The following AUH variants were observed in gnomAD, a reference collection of about 807,000 sequenced individuals.
AUH encodes AU RNA binding methylglutaconyl-CoA hydratase.
In AUH, 29 loss-of-function variants were observed where a neutral mutation model predicts 42.3. That is an observed-to-expected ratio of 0.69 (90% confidence interval 0.51 to 0.93). AUH has a LOEUF of 0.93. AUH is among the 40% of genes least tolerant of loss of function. The probability of loss-of-function intolerance (pLI) is 0.00; values close to 1 mark genes in which losing one functional copy is unlikely to be tolerated. For synonymous variants in AUH, 174 were observed against 166.4 expected (o/e 1.05, Z -0.35); for missense variants, 452 against 438.1 (o/e 1.03, Z -0.28).
chr9:91,247,168 C>T (rs932043256), intron 6 of AUH, among the ~76,000 whole-genome samples: 6 of 152,202 alleles, frequency 3.9e-5, no homozygotes, highest in Non-Finnish European at 7.3e-5. Flanking sequence ...GGCAAACTCT[C>T]CTCCGTACAC....
intron 6 of AUH, among the ~76,000 whole-genome samples, chr9:91,239,862 G>C (rs960413421): frequency 1.3e-4 from 20 of 152,174 alleles, no homozygotes; most frequent in African/African-American, 4.8e-4. Flanking sequence ...GCTCTTTGTG[G>C]ATTATGGTAG....
intron 6 of AUH, among the ~76,000 whole-genome samples, chr9:91,238,741 A>T (rs528924566): frequency 6.6e-6 from 1 of 152,362 alleles, no homozygotes; most frequent in South Asian, 2.1e-4. Flanking sequence ...TTAAAACACA[A>T]CTTACTTTGA....
chr9:91,306,153 G>T (rs1241172272), intron 4 of AUH, among the ~76,000 whole-genome samples: 1 of 152,152 alleles, frequency 6.6e-6, no homozygotes, highest in Non-Finnish European at 1.5e-5. Flanking sequence ...CAGTGTGGCA[G>T]TGCCCCCCAG....
chr9:91,259,759 A>G (rs1829609890), intron 6 of AUH, among the ~76,000 whole-genome samples: 1 of 151,906 alleles, frequency 6.6e-6, no homozygotes, highest in Non-Finnish European at 1.5e-5. Context: ...TCGGTTTTTT[A>G]TTTCTAATTT....
intron 6 of AUH, among the ~76,000 whole-genome samples, chr9:91,249,785 G>C (rs1448369175): frequency 6.6e-6 from 1 of 151,840 alleles, no homozygotes; most frequent in African/African-American, 2.4e-5. Flanking sequence ...GCTGAGGCAG[G>C]CAGATCACAA....
At position 91,329,631 on chromosome 9, in the gene AUH, A is replaced by G. The variant is rs185214111; in HGVS notation, c.419-4227T>C. The stretch of plus-strand genomic sequence containing the variant: ...CTTATTGAGTTGTAAGTTATAACTT[A>G]GATACAAGCCCTTTCTAAAATATAT... On this transcript the variant is annotated intron_variant, in intron 3 of 9. Transcript: ENST00000375731. Among the ~76,000 whole-genome samples, 299 of 152,302 alleles carry G rather than the reference A, an allele frequency of 2.0e-3. 2 individuals are homozygous for G. Among genetic ancestry groups the G allele is most frequent in the Non-Finnish European group, 3.5e-3 (238 of 68,026 alleles).
At chr9:91,325,712 T>C (rs1444084410) in intron 3 of AUH, among the ~76,000 whole-genome samples, 2 of 152,130 alleles carry the variant, frequency 1.3e-5, no homozygotes, top group African/African-American at 2.4e-5. Context: ...CTATTAGAAA[T>C]CAAAACTAAG....
rs72740751 is a variant in AUH at position 91,291,902 on chromosome 9, G to A, written c.655+4119C>T. Among the ~76,000 whole-genome samples, 356 of 139,480 alleles carry A rather than the reference G, an allele frequency of 2.6e-3. 3 individuals are homozygous for A. Among genetic ancestry groups the A allele is most frequent in the Non-Finnish European group, 3.9e-3 (259 of 65,682 alleles). 91.5% of individuals were successfully genotyped at this position (139,480 alleles called of 152,430 possible). The stretch of plus-strand genomic sequence containing the variant: ...TTGTGCCATTGCACTCCAGTCTGGC[G>A]ACAGAGTGAGACTCCGTGTCAAAAA... On this transcript the variant is annotated intron_variant, in intron 6 of 9. Coordinates refer to ENST00000375731, the MANE Select transcript of AUH (RefSeq NM_001698.3).
intron 6 of AUH, among the ~76,000 whole-genome samples, chr9:91,257,981 A>T (rs1829497311): frequency 6.6e-6 from 1 of 152,220 alleles, no homozygotes; most frequent in Non-Finnish European, 1.5e-5. Flanking sequence ...ATATTGTGTT[A>T]AATTTAAAGT....
chr9:91,230,069 C>T lies in AUH; in HGVS notation c.656-9077G>A, dbSNP rs1471257285. The stretch of plus-strand genomic sequence containing the variant: ...CTCTTCTCGAGGAGTATCTTTGTGG[C>T]GTTCTCTGTATTTCCTGAATCTGAA... On this transcript the variant is annotated intron_variant, in intron 6 of 9. Transcript: ENST00000375731. Among the ~76,000 whole-genome samples, 25 of 151,082 alleles carry T rather than the reference C, an allele frequency of 1.7e-4. No homozygotes were observed. In the East Asian group the frequency reaches 4.3e-3, roughly 26 times the overall value.
chr9:91,257,072 T>A (rs1054411283), intron 6 of AUH, among the ~76,000 whole-genome samples: 3 of 152,270 alleles, frequency 2.0e-5, no homozygotes, highest in Admixed American at 2.0e-4. Flanking sequence ...CCAGTTCACA[T>A]TGCAGCCATC....
At chr9:91,220,001 T>C (rs1375358788) in intron 7 of AUH, among the ~76,000 whole-genome samples, 2 of 152,300 alleles carry the variant, frequency 1.3e-5, no homozygotes, top group Non-Finnish European at 2.9e-5. Flanking sequence ...TAGGGGGTTA[T>C]AAAACTTCAA....
At chr9:91,307,756 T>C (rs1285988081) in intron 4 of AUH, among the ~76,000 whole-genome samples, 1 of 152,212 alleles carries the variant, frequency 6.6e-6, no homozygotes, top group Non-Finnish European at 1.5e-5. Context: ...TAGGTGTGTA[T>C]GTACAGGAAA....
intron 6 of AUH, among the ~76,000 whole-genome samples, chr9:91,295,016 C>A (rs924498127): frequency 1.3e-5 from 2 of 152,158 alleles, no homozygotes; most frequent in Non-Finnish European, 2.9e-5. Flanking sequence ...GATCACTGAA[C>A]CATGGAGGCG....
intron 5 of AUH, among the ~76,000 whole-genome samples, chr9:91,297,604 T>A (rs1430962578): frequency 6.6e-6 from 1 of 152,096 alleles, no homozygotes; most frequent in Non-Finnish European, 1.5e-5. Flanking sequence ...TTTAATTTTT[T>A]TTTTTTTAAA....
Position 91,305,979 on chromosome 9 carries a change from G to A in AUH, c.506-7903C>T, listed in dbSNP as rs549806418. On this transcript the variant is annotated intron_variant, in intron 4 of 9. Transcript: ENST00000375731. ...AATGCTGAAACTCAATAGGAAGCCC[G>A]ACAGCACACTGGCTCTGTGCGCCAC... Among the ~76,000 whole-genome samples, 7 of 152,250 alleles carry A rather than the reference G, an allele frequency of 4.6e-5. No individual in the cohort carries two copies. In the South Asian group the frequency reaches 1.0e-3, roughly 23 times the overall value.
At chr9:91,271,147 G>A (rs568272438) in intron 6 of AUH, among the ~76,000 whole-genome samples, 1 of 152,298 alleles carries the variant, frequency 6.6e-6, no homozygotes, top group East Asian at 1.9e-4. Context: ...GATGTACTCA[G>A]GAGTTAGCTA....
intron 6 of AUH, among the ~76,000 whole-genome samples, chr9:91,275,591 T>C (rs2482338): frequency 0.49 from 74,169 of 152,042 alleles, 20,535 homozygotes; most frequent in African/African-American, 0.76. Context: ...AGAGTGAATC[T>C]TAACACGGCA....
chr9:91,224,565 A>G (rs1014090785), intron 6 of AUH, among the ~76,000 whole-genome samples: 8 of 152,144 alleles, frequency 5.3e-5, no homozygotes, highest in Non-Finnish European at 1.2e-4. Flanking sequence ...GCTTTCTTCT[A>G]AGAGTTGTAT....
Sources: allele counts gnomAD v4.1 joint callset (sites outside exome capture counted in the v4.1 genomes callset), GRCh38; gene constraint gnomAD v4.1.1; transcripts MANE v1.5; gene names NCBI Gene and HGNC (gene_info 2026-07-23, HGNC 2026-07-21).